The following HERC6 variants were observed in gnomAD, a reference collection of about 807,000 sequenced individuals.
HERC6 encodes probable E3 ubiquitin-protein ligase HERC6.
HERC6 carries 101 observed loss-of-function variants against 114.5 expected under a neutral mutation model. The observed-to-expected ratio is 0.88, with a 90% CI of 0.75 to 1.04. The LOEUF (loss-of-function observed/expected upper bound fraction) is 1.04, where lower values mean the gene tolerates loss of function less well. HERC6 is among the 50% of genes least tolerant of loss of function. The pLI is 0.00. For missense variants in HERC6, 1,133 were observed against 1,230.9 expected (o/e 0.92, Z 1.19); for synonymous variants, 408 against 436.2 (o/e 0.94, Z 0.81).
intron 8 of HERC6, among the ~76,000 whole-genome samples, chr4:88,401,233 G>A (rs1164363370): frequency 1.3e-5 from 2 of 152,060 alleles, no homozygotes; most frequent in Admixed American, 6.5e-5. Flanking sequence ...GGTGGCTCAC[G>A]CCTGTAATCC....
intron 16 of HERC6, among the ~76,000 whole-genome samples, chr4:88,430,524 C>A (rs1036643151): frequency 7.3e-5 from 11 of 151,562 alleles, no homozygotes; most frequent in Non-Finnish European, 5.9e-5. Flanking sequence ...AAGCTGAGAT[C>A]GTGCCATTGC....
chr4:88,386,287 C>G (rs1358338704), intron 3 of HERC6, among the ~76,000 whole-genome samples: 1 of 151,022 alleles, frequency 6.6e-6, no homozygotes, highest in African/African-American at 2.4e-5. Context: ...CTCACTGCAA[C>G]CTCCACCTCC....
At chr4:88,407,816 G>A (rs1328603395) in intron 10 of HERC6, among the ~76,000 whole-genome samples, 1 of 152,192 alleles carries the variant, frequency 6.6e-6, no homozygotes, top group East Asian at 1.9e-4. Flanking sequence ...AGAGAGAACA[G>A]CACACCTGGA....
intron 13 of HERC6, among the ~76,000 whole-genome samples, chr4:88,419,264 G>A (rs898528732): frequency 3.9e-5 from 6 of 152,078 alleles, no homozygotes; most frequent in Admixed American, 6.6e-5. Context: ...TCAACATTAG[G>A]GTCACCAAGA....
Position 88,396,864 on chromosome 4 carries a change from G to T in HERC6, c.901G>T (p.Ala301Ser). The T allele has an allele frequency of 6.3e-7, 1 of 1,580,366 alleles. No homozygotes were observed. Among genetic ancestry groups the T allele is most frequent in the Non-Finnish European group, 8.6e-7 (1 of 1,161,200 alleles). ...TCTTTCCTGTAGTTATCACACCCTG[G>T]CATATGTGCACACCACTGGTCAGGT... ...QIDCGSYHTLAYVHTTGQVVS... is the reference protein window; with the variant it reads ...QIDCGSYHTLSYVHTTGQVVS... Residue 301 changes from alanine to serine, a missense_variant, in exon 7 of 23, where the codon GCA (alanine) becomes TCA (serine). Physicochemically the swap from Ala to Ser is moderately conservative, Grantham distance 99 (BLOSUM62 1). Around this residue, in one of 3 missense-constraint regions of HERC6, gnomAD observed 735 missense variants for 754.0 expected, o/e 0.97. Transcript: ENST00000264346.
chr4:88,429,951 C>T (rs539259181), intron 16 of HERC6, among the ~76,000 whole-genome samples: 71 of 152,218 alleles, frequency 4.7e-4, no homozygotes, highest in African/African-American at 1.6e-3. Flanking sequence ...GTTGTCAGGG[C>T]CCATCATGAG....
chr4:88,417,378 G>T lies in HERC6; in HGVS notation c.1559-47G>T, dbSNP rs1466882945. Reference sequence around the variant, plus strand: ...AACCCACTAGAAACAGAGATTTGGGGGGTGGTAGGAAAAACATATTTATCA... The same window carrying T: ...AACCCACTAGAAACAGAGATTTGGGTGGTGGTAGGAAAAACATATTTATCA... On this transcript the variant is annotated intron_variant, in intron 12 of 22. Transcript: ENST00000264346. 3.2e-6 allele frequency: 5 copies of T among 1,554,140 alleles called. No individual in the cohort carries two copies. In the Admixed American group the frequency reaches 5.6e-5, roughly 17 times the overall value.
chr4:88,435,938 GT>G (rs752623799), intron 18 of HERC6, 47 bp downstream of exon 18: 1 of 1,397,692 alleles, frequency 7.2e-7, no homozygotes, highest in Non-Finnish European at 9.6e-7. Context: ...GTAAGTCTCA[GT>G]TGTTTAGGCA....
chr4:88,414,702 G>A (rs971413219), intron 12 of HERC6, among the ~76,000 whole-genome samples: 4 of 152,126 alleles, frequency 2.6e-5, no homozygotes, highest in African/African-American at 4.8e-5. Context: ...AAACTGTCAC[G>A]GTGCTGGTGA....
Position 88,440,019 on chromosome 4 carries a change from A to G in HERC6, c.2701A>G (p.Ile901Val). The change falls in exon 21 of 23, where the codon ATT becomes GTT. Residue 901 changes from isoleucine (I) to valine (V), a missense_variant. Ile to Val is a conservative substitution (Grantham distance 29). Coordinates refer to ENST00000264346, the MANE Select transcript of HERC6 (RefSeq NM_017912.4). ...CCCTGAAGAACTAATGACAGCAATC[A>G]TTGGAAATACTGATTATGACTGGAA... ...FYPEELMTAIIGNTDYDWKQF... is the reference protein window; with the variant it reads ...FYPEELMTAIVGNTDYDWKQF... The G allele has an allele frequency of 6.2e-7, 1 of 1,611,074 alleles. No homozygotes were observed. The highest frequency in any genetic ancestry group is 8.5e-7 in the Non-Finnish European group (1 of 1,179,126).
intron 11 of HERC6, among the ~76,000 whole-genome samples, chr4:88,410,245 G>A (rs1052547633): frequency 6.6e-6 from 1 of 152,154 alleles, no homozygotes; most frequent in Non-Finnish European, 1.5e-5. Context: ...ATGAACACTG[G>A]TTTGGTCTGG....
chr4:88,442,345 G>C lies in HERC6; in HGVS notation c.2954G>C (p.Cys985Ser), dbSNP rs1453012791. The C allele has an allele frequency of 1.9e-6, 3 of 1,613,592 alleles. No individual in the cohort carries two copies. Among genetic ancestry groups the C allele is most frequent in the Non-Finnish European group, 2.5e-6 (3 of 1,179,772 alleles). ...SERDHPTSIT[C>S]HNILSLPKYS... ...AGAGATCACCCAACATCAATAACTT[G>C]TCATAATATTCTCTCCCTCCCTAAG... is the stretch of plus-strand genomic sequence containing the variant. The change falls in exon 23 of 23, where the codon TGT (cysteine) becomes TCT (serine). Residue 985 changes from cysteine (C) to serine (S), a missense_variant. Cys to Ser is a moderately radical substitution (Grantham distance 112). This residue lies in a region of HERC6 where 388 missense variants were observed against 445.9 expected (regional missense o/e 0.87). Transcript: ENST00000264346.
chr4:88,405,561 A>T lies in HERC6; in HGVS notation c.1222A>T (p.Arg408Ter), dbSNP rs1451613475. 2 of 1,541,348 alleles carry T rather than the reference A, an allele frequency of 1.3e-6. No individual in the cohort carries two copies. Among genetic ancestry groups the T allele is most frequent in the Admixed American group, 3.7e-5 (2 of 54,168 alleles). Residue 408 changes from arginine to a stop codon, truncating the protein, a stop_gained, in exon 10 of 23, where the codon AGA (arginine) becomes TGA (stop). Transcript: ENST00000264346. LOFTEE classifies it high-confidence loss of function. ...TEHEMAKSEI[R>*]MIFSSPACLT... The stretch of plus-strand genomic sequence containing the variant: ...TTGTTATTACTTTTACAGTGAAATT[A>T]GAATGATATTTTCATCTCCTGCTTG...
At chr4:88,397,116 A>C (rs1439633036) in intron 7 of HERC6, 129 bp downstream of exon 7, 1 of 736,816 alleles carries the variant, frequency 1.4e-6, no homozygotes, top group East Asian at 3.5e-5. Flanking sequence ...ATTTTTATTT[A>C]TTTATTTTTT....
chr4:88,423,825 A>T, intron 13 of HERC6, 35 bp from the exon 14 acceptor site: 5 of 952,904 alleles, frequency 5.2e-6, no homozygotes, highest in Non-Finnish European at 7.8e-6. Flanking sequence ...ACTTATTGAT[A>T]GAAAATGAAA....
chr4:88,380,283 A>AAT (rs1163246022), intron 1 of HERC6, among the ~76,000 whole-genome samples: 3 of 52,200 alleles, frequency 5.7e-5, no homozygotes, highest in Admixed American at 3.7e-4. Flanking sequence ...ATAATATATA[A>AAT]ATATATAATA....
chr4:88,417,464 C>T lies in HERC6; in HGVS notation c.1598C>T (p.Pro533Leu), dbSNP rs902456813. 67 of 1,610,504 alleles carry T rather than the reference C, an allele frequency of 4.2e-5. No homozygotes were observed. The highest frequency in any genetic ancestry group is 1.6e-4 in the Middle Eastern group (1 of 6,076). The change falls in exon 13 of 23, where the codon CCG (proline) becomes CTG (leucine). Residue 533 changes from proline (P) to leucine (L), a missense_variant. By Grantham distance (98) the Pro-to-Leu change is moderately conservative (BLOSUM62 -3). Transcript: ENST00000264346. The part of the protein sequence containing the change: ...WAFLQESSLN[P>L]LIQMLKAAII... ...TTTTTGCAAGAATCTTCTCTGAATC[C>T]GCTGATCCAGATGCTTAAAGCAGCC... is the stretch of plus-strand genomic sequence containing the variant.
intron 22 of HERC6, among the ~76,000 whole-genome samples, chr4:88,441,108 C>T (rs954879935): frequency 7.2e-5 from 11 of 152,014 alleles, no homozygotes; most frequent in Admixed American, 1.3e-4. Context: ...ACTTTTTCTG[C>T]ACCCTCTTTC....
chr4:88,428,141 C>CT (rs1341497452), intron 15 of HERC6, among the ~76,000 whole-genome samples: 1 of 152,168 alleles, frequency 6.6e-6, no homozygotes, highest in African/African-American at 2.4e-5. Context: ...TGTCTTCTGT[C>CT]TTTTTCCTAC....
Sources: gnomAD v4.1 joint callset for allele counts (sites outside exome capture counted in the v4.1 genomes callset) on GRCh38, gnomAD v4.1.1 for gene constraint, gnomAD v4.1.1 regional missense constraint, MANE v1.5 for transcripts, NCBI Gene and HGNC (gene_info 2026-07-23, HGNC 2026-07-21) for gene names.